Variants in NRIP1 observed in about 807,000 individuals in gnomAD.
NRIP1 encodes nuclear receptor-interacting protein 1.
NRIP1 carries 28 observed loss-of-function variants against 75.0 expected under a neutral mutation model. That is an observed-to-expected ratio of 0.37 (90% CI 0.28 to 0.51). The LOEUF (loss-of-function observed/expected upper bound fraction) is 0.51. Among genes scored for constraint, NRIP1 ranks in the 20% least tolerant of loss-of-function variants. The pLI, the probability that NRIP1 is intolerant of heterozygous loss-of-function variation, is 0.92. For missense variants in NRIP1, 1,435 were observed against 1,343.7 expected (o/e 1.07, Z -1.06); for synonymous variants, 526 against 487.6 (o/e 1.08, Z -1.04).
chr21:14,974,661 T>C (rs1379608207), intron 3 of NRIP1, among the ~76,000 whole-genome samples: 1 of 152,210 alleles, frequency 6.6e-6, no homozygotes, highest in Non-Finnish European at 1.5e-5. Flanking sequence ...ACAGAGCCAT[T>C]GAAGTTTTTG....
At chr21:14,981,543 G>C (rs1382845194) in intron 3 of NRIP1, among the ~76,000 whole-genome samples, 1 of 152,198 alleles carries the variant, frequency 6.6e-6, no homozygotes, top group Non-Finnish European at 1.5e-5. Context: ...GATGACTCCG[G>C]TGTGCTGAGG....
At chr21:14,999,047 C>T (rs2087794833) in intron 3 of NRIP1, among the ~76,000 whole-genome samples, 1 of 152,160 alleles carries the variant, frequency 6.6e-6, no homozygotes, top group Admixed American at 6.5e-5. Context: ...CTCTGTTGTC[C>T]AGGCTGGAGT....
intron 2 of NRIP1, among the ~76,000 whole-genome samples, chr21:15,033,426 T>C (rs1032996311): frequency 2.6e-5 from 4 of 152,130 alleles, no homozygotes; most frequent in East Asian, 1.9e-4. Flanking sequence ...TTGGGGTTCA[T>C]ACCTAGATTA....
intron 3 of NRIP1, among the ~76,000 whole-genome samples, chr21:14,978,055 T>A (rs1461456046): frequency 6.6e-6 from 1 of 152,144 alleles, no homozygotes; most frequent in African/African-American, 2.4e-5. Context: ...CAAGGCCAAA[T>A]TTGCTCCTAA....
intron 3 of NRIP1, among the ~76,000 whole-genome samples, chr21:15,004,077 A>T (rs2087910666): frequency 2.0e-5 from 3 of 152,154 alleles, no homozygotes; most frequent in African/African-American, 7.2e-5. Context: ...ACACCTTTTC[A>T]TTTCATGGAC....
intron 2 of NRIP1, among the ~76,000 whole-genome samples, chr21:15,015,716 G>A (rs558093242): frequency 1.6e-4 from 25 of 151,938 alleles, no homozygotes; most frequent in African/African-American, 6.0e-4. Flanking sequence ...GATAAAAACA[G>A]GAAACAACAT....
rs2086742681 is a variant in NRIP1, at chr21:14,966,392, C to T, written c.1801G>A (p.Asp601Asn). 1 of 1,613,938 alleles carries T rather than the reference C, an allele frequency of 6.2e-7. No homozygotes were observed. Among genetic ancestry groups the T allele is most frequent in the East Asian group, 2.2e-5 (1 of 44,870 alleles). ...LTNTASNHSM[D>N]LTKSKDPPGE... ...GGTGGGTCTTTGCTTTTTGTAAGGT[C>T]CATTGAGTGGTTAGATGCAGTATTT... Residue 601 changes from aspartate to asparagine, a missense_variant, in exon 4 of 4, where the codon GAC (aspartate) becomes AAC (asparagine). Coordinates refer to ENST00000318948, the MANE Select transcript of NRIP1 (RefSeq NM_003489.4).
intron 3 of NRIP1, among the ~76,000 whole-genome samples, chr21:14,972,403 A>G (rs1379481388): frequency 6.6e-6 from 1 of 152,198 alleles, no homozygotes; most frequent in Non-Finnish European, 1.5e-5. Context: ...GATTTAGGGT[A>G]TTAAGGTAAA....
intron 1 of NRIP1, among the ~76,000 whole-genome samples, chr21:15,064,310 G>A (rs954981746): frequency 6.6e-6 from 1 of 152,220 alleles, no homozygotes; most frequent in Non-Finnish European, 1.5e-5. Flanking sequence ...AAGGAGCAGG[G>A]AGGCACCCAG....
At chr21:15,050,380 T>C (rs1285772030) in intron 1 of NRIP1, 1 of 236,966 alleles carries the variant, frequency 4.2e-6, no homozygotes, top group Non-Finnish European at 8.4e-6. Context: ...CAATCAATGC[T>C]TTATGTTACT....
chr21:14,967,479 T>G lies in NRIP1; in HGVS notation c.714A>C (p.Ala238=), dbSNP rs780969885. 2 of 1,614,136 alleles carry G rather than the reference T, an allele frequency of 1.2e-6. No individual in the cohort carries two copies. The highest frequency in any genetic ancestry group is 3.3e-5 in the Admixed American group (2 of 60,024). ...KVMSEPLSCA[A]RLQAVASMVE... Reference sequence around the variant, plus strand: ...CCATGCTTGCAACAGCCTGTAATCTTGCAGCACATGACAACGGTTCACTCA... The same window carrying G: ...CCATGCTTGCAACAGCCTGTAATCTGGCAGCACATGACAACGGTTCACTCA... The change falls in exon 4 of 4, where the codon GCA becomes GCC. Residue 238 remains alanine, a synonymous_variant. Coordinates refer to ENST00000318948, the MANE Select transcript of NRIP1 (RefSeq NM_003489.4).
chr21:14,972,051 C>T (rs182538647), intron 3 of NRIP1, among the ~76,000 whole-genome samples: 56 of 152,210 alleles, frequency 3.7e-4, no homozygotes, highest in African/African-American at 1.3e-3. Flanking sequence ...ATTGTGGTCA[C>T]GTGGAGAGGC....
chr21:15,061,919 T>C (rs978851109), intron 1 of NRIP1, among the ~76,000 whole-genome samples: 1 of 152,228 alleles, frequency 6.6e-6, no homozygotes, highest in Admixed American at 6.5e-5. Context: ...TATCTCCTTA[T>C]CTTATTTGTT....
At chr21:14,988,466 T>C (rs56345151) in intron 3 of NRIP1, among the ~76,000 whole-genome samples, 7,557 of 133,614 alleles carry the variant, frequency 0.057, 513 homozygotes, top group East Asian at 0.32. Flanking sequence ...GACAGACAGA[T>C]AGATAGATAA....
rs1978736655 is a variant in NRIP1 at position 15,064,880 on chromosome 21, G to A, written c.-673C>T. 1 of 148,108 alleles carries A rather than the reference G, an allele frequency of 6.8e-6. No homozygotes were observed. The highest frequency in any genetic ancestry group is 2.1e-4 in the South Asian group (1 of 4,830). The allele number at this position is 148,108 out of a possible 1,614,324, so 9.2% of individuals were successfully genotyped here. On this transcript the variant is annotated 5_prime_UTR_variant, in exon 1 of 4. Transcript: ENST00000318948. ...GCGCTCACGGCGCAGCGGCGGACGC[G>A]AGGCCACGGGCGGACGGGCGCGCGC...
Position 14,966,025 on chromosome 21 carries a change from C to T in NRIP1, c.2168G>A (p.Gly723Glu). The change falls in exon 4 of 4, where the codon GGG (glycine) becomes GAG (glutamate). Residue 723 changes from glycine to glutamate, a missense_variant. Coordinates refer to ENST00000318948, the MANE Select transcript of NRIP1 (RefSeq NM_003489.4). ...AGTTTTCTCTTTTTTTTCACTCTTC[C>T]CTTTGTTGGGGTTCCCCAGGAGCAA... ...LQLLLGNPNK[G>E]KSEKKEKTPL... 6.2e-7 allele frequency: 1 copy of T among 1,611,104 alleles called. No individual in the cohort carries two copies. The highest frequency in any genetic ancestry group is 1.1e-5 in the South Asian group (1 of 90,464).
chr21:15,016,209 T>C (rs2147183447), intron 2 of NRIP1, among the ~76,000 whole-genome samples: 1 of 152,290 alleles, frequency 6.6e-6, no homozygotes, highest in Admixed American at 6.5e-5. Context: ...TGCCCCAAAT[T>C]ATAGATCTTG....
At chr21:15,044,345 C>T (rs916982967) in intron 1 of NRIP1, among the ~76,000 whole-genome samples, 1 of 150,024 alleles carries the variant, frequency 6.7e-6, no homozygotes, top group African/African-American at 2.5e-5. Context: ...TATAGAATGA[C>T]ACTGACGTGG....
upstream of NRIP1, among the ~76,000 whole-genome samples, chr21:15,065,520 C>T (rs373755082): frequency 8.5e-5 from 13 of 152,248 alleles, no homozygotes; most frequent in East Asian, 2.5e-3. Flanking sequence ...CGTCTACCTC[C>T]TCCCCTTCAC....
Sources: gnomAD v4.1 joint callset for allele counts (sites outside exome capture counted in the v4.1 genomes callset) on GRCh38, gnomAD v4.1.1 for gene constraint, MANE v1.5 for transcripts, NCBI Gene and HGNC (gene_info 2026-07-23, HGNC 2026-07-21) for gene names.